Variants in ADGRD1 observed in about 807,000 individuals in gnomAD.
ADGRD1 encodes the protein G-protein coupled receptor 133.
In ADGRD1, 77 loss-of-function variants were observed where a neutral mutation model predicts 113.4. That is an observed-to-expected ratio of 0.68 (90% CI 0.57 to 0.82). The LOEUF is 0.82. Among genes scored for constraint, ADGRD1 ranks in the 40% least tolerant of loss-of-function variants. ADGRD1 has a pLI of 0.00. For synonymous variants in ADGRD1, 474 were observed against 475.0 expected, an observed-to-expected ratio of 1.00 and a Z score of 0.03; for missense variants, 1,036 against 1,139.1, an observed-to-expected ratio of 0.91 and a Z score of 1.30.
intron 8 of ADGRD1, among the ~76,000 whole-genome samples, chr12:130,994,845 C>T (rs1875021846): frequency 6.6e-6 from 1 of 152,204 alleles, no homozygotes. Flanking sequence ...CCCCTGCCCT[C>T]GTGGGGCTTG....
At chr12:130,985,349 C>T (rs962083251) in intron 5 of ADGRD1, among the ~76,000 whole-genome samples, 1 of 152,154 alleles carries the variant, frequency 6.6e-6, no homozygotes. Context: ...ACAGAGCAGA[C>T]ATTTTTAGTT....
chr12:130,993,040 G>A (rs1874638825), intron 8 of ADGRD1, among the ~76,000 whole-genome samples: 1 of 152,116 alleles, frequency 6.6e-6, no homozygotes, highest in Non-Finnish European at 1.5e-5. Context: ...GGTATATGAA[G>A]TCCCACGGCT....
At position 131,003,865 on chromosome 12, in the gene ADGRD1, T is replaced by C. The variant is rs1876720926; in HGVS notation, c.1145-321T>C. 6.6e-6 allele frequency among the ~76,000 whole-genome samples: 1 copy of C among 152,138 alleles called. No individual in the cohort carries two copies. The highest frequency in any genetic ancestry group is 6.5e-5 in the Admixed American group (1 of 15,282). The stretch of plus-strand genomic sequence containing the variant: ...TGCTGCGCTTGGGGAGGAGCCGATG[T>C]CACCGCATCGCTGAGCACAGCCCAT... On this transcript the variant is annotated intron_variant, in intron 10 of 24. Transcript: ENST00000261654. The surrounding 1 kb of genome is among the most constrained non-coding windows in gnomAD (Gnocchi z 4.8).
chr12:131,099,345 G>A (rs1950017092), intron 15 of ADGRD1, among the ~76,000 whole-genome samples: 1 of 152,170 alleles, frequency 6.6e-6, no homozygotes. Flanking sequence ...TGCAGGTCGT[G>A]GTGGAGTCAA....
At position 130,991,071 on chromosome 12, in the gene ADGRD1, G is replaced by A. The variant is rs149012578; in HGVS notation, c.803G>A (p.Ser268Asn). The A allele has an allele frequency of 6.8e-6, 11 of 1,613,588 alleles. No homozygotes were observed. The African/African-American group carries it at 1.5e-4, about 22-fold the overall frequency. ...AGCCTCTTCATGACATCCACAGCAA[G>A]CCCCGTGGTGAGCAGACACATCTTC... The part of the protein sequence containing the change: ...LPSLFMTSTA[S>N]PVMPTDAYHP... The change falls in exon 7 of 25, where the codon AGC becomes AAC. Residue 268 changes from serine (S) to asparagine (N), a missense_variant. Transcript: ENST00000261654.
chr12:131,092,481 T>C (rs1886974984), intron 15 of ADGRD1, among the ~76,000 whole-genome samples: 1 of 152,170 alleles, frequency 6.6e-6, no homozygotes, highest in Middle Eastern at 3.2e-3. Context: ...GGAAGGGCAG[T>C]GGTCGAGGAG....
At chr12:131,088,582 G>A (rs1593192383) in intron 15 of ADGRD1, among the ~76,000 whole-genome samples, 1 of 152,164 alleles carries the variant, frequency 6.6e-6, no homozygotes, top group Admixed American at 6.5e-5. Context: ...GGGTGGGGAC[G>A]GAGGGCAAGG....
At chr12:131,036,893 TACTC>T (rs1449979274) in intron 13 of ADGRD1, among the ~76,000 whole-genome samples, 11 of 125,864 alleles carry the variant, frequency 8.7e-5, no homozygotes, top group South Asian at 2.8e-4. Context: ...CACTGGGTCT[TACTC>T]ACTGCACTGA....
At chr12:130,997,344 G>A (rs1221172499) in intron 8 of ADGRD1, among the ~76,000 whole-genome samples, 5 of 149,464 alleles carry the variant, frequency 3.3e-5, no homozygotes, top group South Asian at 2.1e-4. Context: ...GCTGCCGGGC[G>A]GAGACGCTCC....
intron 14 of ADGRD1, among the ~76,000 whole-genome samples, chr12:131,080,212 TCCTCTTCAA>T (rs1285285165): frequency 5.9e-5 from 9 of 152,258 alleles, no homozygotes; most frequent in South Asian, 2.1e-4. Flanking sequence ...CCTTGTGACT[TCCTCTTCAA>T]CCTCTTCAAC....
chr12:130,992,209 A>G, intron 7 of ADGRD1, 28 bp from the exon 8 acceptor site: 1 of 1,593,092 alleles, frequency 6.3e-7, no homozygotes, highest in Non-Finnish European at 8.6e-7. Flanking sequence ...AGTTCTTAGT[A>G]GAAACTCATG....
At chr12:131,099,332 G>C (rs1025536670) in intron 15 of ADGRD1, among the ~76,000 whole-genome samples, 1 of 152,196 alleles carries the variant, frequency 6.6e-6, no homozygotes, top group South Asian at 2.1e-4. Context: ...TCCTAAGGCT[G>C]TGTGCAGGTC....
At chr12:131,008,160 T>G (rs2136769580) in intron 12 of ADGRD1, among the ~76,000 whole-genome samples, 1 of 152,378 alleles carries the variant, frequency 6.6e-6, no homozygotes, top group Admixed American at 6.5e-5. Flanking sequence ...TTGGTTTTCT[T>G]AAACATGACA....
In ADGRD1 at chr12:131,127,774, T is replaced by C. The variant is rs748173929; in HGVS notation, c.2176-3951T>C. Among the ~76,000 whole-genome samples the C allele has an allele frequency of 1.0e-3, 140 of 137,662 alleles. 5 individuals are homozygous for C. The highest frequency in any genetic ancestry group is 1.8e-3 in the Non-Finnish European group (113 of 63,414). The allele number at this position is 137,662 out of a possible 152,430, so 90.3% of individuals were successfully genotyped here. On this transcript the variant is annotated intron_variant, in intron 20 of 24. Transcript: ENST00000261654. Reference sequence around the variant, plus strand: ...GGGATTCTGAGCTCAGGTGGGGTGTTGGTTGTGTTGGTTGTGATGGGACCC... The same window carrying C: ...GGGATTCTGAGCTCAGGTGGGGTGTCGGTTGTGTTGGTTGTGATGGGACCC...
intron 8 of ADGRD1, among the ~76,000 whole-genome samples, chr12:130,996,868 TG>T (rs1327986317): frequency 1.7e-5 from 2 of 118,570 alleles, no homozygotes; most frequent in Admixed American, 7.8e-5. Context: ...ACGGGGTGGC[TG>T]GCCGGGCAGA....
chr12:130,983,264 C>T (rs772771226), intron 5 of ADGRD1, among the ~76,000 whole-genome samples: 5 of 152,170 alleles, frequency 3.3e-5, no homozygotes, highest in Non-Finnish European at 2.9e-5. Context: ...TGTTTGCCTT[C>T]TTCTGTGGAT....
rs767508137 is a variant in ADGRD1, at chr12:131,118,437, C to T, written c.2094C>T (p.Tyr698=). The T allele has an allele frequency of 3.1e-5, 50 of 1,610,900 alleles. No individual in the cohort carries two copies. In the East Asian group the frequency reaches 4.9e-4, roughly 16 times the overall value. The change falls in exon 19 of 25, where the codon TAC becomes TAT. Residue 698 remains tyrosine (Y), a synonymous_variant. Transcript: ENST00000261654. ...CACTGTCATTTGCCATGGACAGTTA[C>T]GGAACAAGCAACAAGTAAGTGCAGG... ...IISLSFAMDS[Y]GTSNNCWLSL...
intron 14 of ADGRD1, among the ~76,000 whole-genome samples, chr12:131,078,678 T>C (rs930207512): frequency 6.6e-6 from 1 of 152,216 alleles, no homozygotes; most frequent in African/African-American, 2.4e-5. Context: ...CCCAAATTTA[T>C]AGTTATTAGC....
At chr12:131,018,913 C>T (rs1878966747) in intron 13 of ADGRD1, among the ~76,000 whole-genome samples, 1 of 152,132 alleles carries the variant, frequency 6.6e-6, no homozygotes, top group African/African-American at 2.4e-5. Context: ...CTGTGAGGTC[C>T]TGCAGGTGGG....
Sources: gnomAD v4.1 joint callset for allele counts (sites outside exome capture counted in the v4.1 genomes callset) on GRCh38, gnomAD v4.1.1 for gene constraint, Gnocchi (gnomAD v3.1) non-coding constraint, MANE v1.5 for transcripts, NCBI Gene and HGNC (gene_info 2026-07-23, HGNC 2026-07-21) for gene names.